ITPK1: variants seen among roughly 807,000 people sequenced by gnomAD.
ITPK1 encodes the protein inositol-tetrakisphosphate 1-kinase.
In ITPK1, 21 loss-of-function variants were observed where a neutral mutation model predicts 45.3. That is an observed-to-expected ratio of 0.46 (90% confidence interval 0.33 to 0.67). The LOEUF (loss-of-function observed/expected upper bound fraction) is 0.67, where lower values mean the gene tolerates loss of function less well. ITPK1 is among the 30% of genes least tolerant of loss of function. The pLI, the probability that ITPK1 is intolerant of heterozygous loss-of-function variation, is 0.02. For missense variants in ITPK1, 474 were observed against 573.5 expected (o/e 0.83, Z 1.77); for synonymous variants, 258 against 253.6 (o/e 1.02, Z -0.16).
intron 3 of ITPK1, among the ~76,000 whole-genome samples, chr14:93,031,932 A>G (rs766559649): frequency 2.3e-4 from 35 of 152,012 alleles, no homozygotes; most frequent in Non-Finnish European, 3.8e-4. Context: ...TCTGACTCAA[A>G]CTCCTACAAA....
At chr14:93,002,875 C>T (rs1887421645) in intron 4 of ITPK1, among the ~76,000 whole-genome samples, 2 of 152,192 alleles carry the variant, frequency 1.3e-5, no homozygotes, top group South Asian at 4.1e-4. Flanking sequence ...AACCCATGGT[C>T]CTCACTGGTT....
intron 2 of ITPK1, among the ~76,000 whole-genome samples, chr14:93,103,670 GT>G (rs912919367): frequency 6.6e-6 from 1 of 152,300 alleles, no homozygotes; most frequent in Admixed American, 6.5e-5. Context: ...TGAATGGGGT[GT>G]TTTTTAAAAA....
chr14:93,060,974 GT>G (rs1566763040), intron 3 of ITPK1, among the ~76,000 whole-genome samples: 1 of 152,196 alleles, frequency 6.6e-6, no homozygotes, highest in Non-Finnish European at 1.5e-5. Flanking sequence ...TTGGTTCAAG[GT>G]CAGGTAGCTG....
chr14:93,113,007 T>G (rs1324591994), intron 2 of ITPK1, among the ~76,000 whole-genome samples: 1 of 152,182 alleles, frequency 6.6e-6, no homozygotes, highest in African/African-American at 2.4e-5. Flanking sequence ...GGCACTGCCC[T>G]GAAAGTAATA....
At chr14:93,047,193 G>A (rs1889813805) in intron 3 of ITPK1, among the ~76,000 whole-genome samples, 1 of 152,204 alleles carries the variant, frequency 6.6e-6, no homozygotes, top group Admixed American at 6.5e-5. Flanking sequence ...TAGTTCCCTT[G>A]AAGAACCTTC....
intron 5 of ITPK1, among the ~76,000 whole-genome samples, chr14:92,989,231 C>T (rs923242991): frequency 9.9e-5 from 15 of 152,192 alleles, no homozygotes; most frequent in African/African-American, 1.9e-4. Flanking sequence ...CGTAAAACCA[C>T]AGGCAGAAGC....
At chr14:93,101,335 T>C (rs1257047442) in intron 2 of ITPK1, among the ~76,000 whole-genome samples, 3 of 152,254 alleles carry the variant, frequency 2.0e-5, no homozygotes, top group Non-Finnish European at 2.9e-5. Context: ...TGAATCTCTG[T>C]ACCTCTGGAC....
At chr14:92,981,904 G>A (rs1886251111) in intron 5 of ITPK1, among the ~76,000 whole-genome samples, 1 of 152,242 alleles carries the variant, frequency 6.6e-6, no homozygotes, top group Admixed American at 6.5e-5. Flanking sequence ...CCCCAAAGTT[G>A]GAGTTAGTCC....
chr14:93,115,903 T>A lies in ITPK1; in HGVS notation c.-274A>T, dbSNP rs949722936. The A allele has an allele frequency of 6.9e-6, 1 of 144,418 alleles. No individual in the cohort carries two copies. Among genetic ancestry groups the A allele is most frequent in the African/African-American group, 2.5e-5 (1 of 40,286 alleles). 8.9% of individuals were successfully genotyped at this position (144,418 alleles called of 1,614,324 possible). On this transcript the variant is annotated 5_prime_UTR_variant, in exon 1 of 11. Transcript: ENST00000267615. ...CCCGCGCTGGCCCGGCCGCCCCGCT[T>A]GAGCCCGCGGCGGCGAGGAAGCGGC...
chr14:93,005,550 A>G (rs950596343), intron 4 of ITPK1, among the ~76,000 whole-genome samples: 16 of 152,038 alleles, frequency 1.1e-4, no homozygotes, highest in Admixed American at 3.3e-4. Context: ...GGATCCTGGC[A>G]CCCTCCAACA....
At chr14:92,963,012 T>C (rs1475355299) in intron 5 of ITPK1, 163 bp from the exon 6 acceptor site, 2 of 559,820 alleles carry the variant, frequency 3.6e-6, no homozygotes, top group African/African-American at 1.9e-5. Flanking sequence ...GTGTGAACAA[T>C]AACCACAGCC....
chr14:92,947,977 G>A (rs1455010701), intron 9 of ITPK1, among the ~76,000 whole-genome samples: 1 of 152,148 alleles, frequency 6.6e-6, no homozygotes, highest in Non-Finnish European at 1.5e-5. Context: ...TACAAAAACT[G>A]GTCTATCCAT....
intron 8 of ITPK1, among the ~76,000 whole-genome samples, chr14:92,953,111 C>T (rs553719312): frequency 7.2e-5 from 11 of 152,264 alleles, no homozygotes; most frequent in Non-Finnish European, 1.6e-4. Context: ...CCGCTGCGTG[C>T]TGGGGGCCAT....
At chr14:92,960,685 G>C (rs980658259) in intron 7 of ITPK1, among the ~76,000 whole-genome samples, 2 of 152,224 alleles carry the variant, frequency 1.3e-5, no homozygotes, top group African/African-American at 4.8e-5. Context: ...TTCCATCTGG[G>C]AACACCCAAG....
At chr14:93,040,064 A>C (rs955504397) in intron 3 of ITPK1, among the ~76,000 whole-genome samples, 2 of 152,256 alleles carry the variant, frequency 1.3e-5, no homozygotes, top group African/African-American at 4.8e-5. Flanking sequence ...AAGAACGCCC[A>C]GTGCCACTTC....
At chr14:93,048,550 C>A (rs1889877953) in intron 3 of ITPK1, among the ~76,000 whole-genome samples, 1 of 152,210 alleles carries the variant, frequency 6.6e-6, no homozygotes, top group Non-Finnish European at 1.5e-5. Context: ...CCTGTCGCCT[C>A]ACGCTCACAA....
At chr14:93,095,429 C>G (rs1334091253) in intron 2 of ITPK1, among the ~76,000 whole-genome samples, 1 of 152,146 alleles carries the variant, frequency 6.6e-6, no homozygotes, top group African/African-American at 2.4e-5. Context: ...AAGTTTGACC[C>G]AGTCCCTCCA....
chr14:93,071,650 C>A (rs1417828134), intron 3 of ITPK1: 2 of 152,096 alleles, frequency 1.3e-5, no homozygotes, highest in African/African-American at 4.8e-5. Context: ...AGAGATTCGC[C>A]ATCATCCATT....
chr14:93,073,003 G>A (rs1440848877), intron 3 of ITPK1, among the ~76,000 whole-genome samples: 1 of 152,254 alleles, frequency 6.6e-6, no homozygotes, highest in East Asian at 1.9e-4. Context: ...CACTGTACTT[G>A]ACCACCAGGA....
Sources: allele counts gnomAD v4.1 joint callset (sites outside exome capture counted in the v4.1 genomes callset), GRCh38; gene constraint gnomAD v4.1.1; transcripts MANE v1.5; gene names NCBI Gene and HGNC (gene_info 2026-07-23, HGNC 2026-07-21).